Variants in CTNND2 observed in about 807,000 individuals in gnomAD.
CTNND2 encodes the protein catenin delta-2.
Under a neutral mutation model 144.4 loss-of-function variants are expected in CTNND2, and 22 were observed. That is an observed-to-expected ratio of 0.15 (90% CI 0.11 to 0.22). The LOEUF (loss-of-function observed/expected upper bound fraction) is 0.22. CTNND2 is among the 10% of genes least tolerant of loss of function. CTNND2 has a pLI of 1.00. For missense variants in CTNND2, 1,353 were observed against 1,618.8 expected, an observed-to-expected ratio of 0.84 and a Z score of 2.82; for synonymous variants, 751 against 695.6, an observed-to-expected ratio of 1.08 and a Z score of -1.25.
rs369641708 is a variant in CTNND2, at chr5:11,159,587, G to A, written c.2148C>T (p.Thr716=). The A allele has an allele frequency of 5.0e-6, 8 of 1,609,778 alleles. No individual in the cohort carries two copies. Among genetic ancestry groups the A allele is most frequent in the African/African-American group, 1.3e-5 (1 of 74,816 alleles). Residue 716 remains threonine, a synonymous_variant, in exon 12 of 22, where the codon ACC becomes ACT. Transcript: ENST00000304623. ...GACACAGGACTGACCTTAGGCACCC[G>A]GTGGCGTTACGCAGCACCTGTGATG... The part of the protein sequence containing the change: ...LHSSQVLRNA[T]GCLRNVSSAG...
At chr5:11,751,373 A>T (rs928135343) in intron 1 of CTNND2, among the ~76,000 whole-genome samples, 5 of 151,520 alleles carry the variant, frequency 3.3e-5, no homozygotes, top group African/African-American at 1.2e-4. Flanking sequence ...TTGTTTGATC[A>T]TCTCCCTTCT....
intron 3 of CTNND2, among the ~76,000 whole-genome samples, chr5:11,494,107 CAA>C: frequency 6.6e-6 from 1 of 152,164 alleles, no homozygotes; most frequent in Non-Finnish European, 1.5e-5. Flanking sequence ...CCCTCAGGAA[CAA>C]AAGATCTATT....
chr5:11,242,828 C>G (rs1742592560), intron 9 of CTNND2, among the ~76,000 whole-genome samples: 1 of 152,176 alleles, frequency 6.6e-6, no homozygotes, highest in South Asian at 2.1e-4. Context: ...CCTTTTATCC[C>G]ATAAATACAG....
At chr5:11,774,130 A>C (rs1790108004) in intron 1 of CTNND2, among the ~76,000 whole-genome samples, 1 of 152,120 alleles carries the variant, frequency 6.6e-6, no homozygotes, top group Admixed American at 6.5e-5. Context: ...AGTTTGCCAC[A>C]TTTATTATTA....
At chr5:11,381,965 T>TCAAAAAAA (rs1581067482) in intron 7 of CTNND2, among the ~76,000 whole-genome samples, 1 of 149,534 alleles carries the variant, frequency 6.7e-6, no homozygotes, top group Non-Finnish European at 1.5e-5. Flanking sequence ...AGACTCTGTC[T>TCAAAAAAA]CAAAAAAACA....
At chr5:11,341,616 C>T (rs1462887982) in intron 9 of CTNND2, among the ~76,000 whole-genome samples, 1 of 152,208 alleles carries the variant, frequency 6.6e-6, no homozygotes, top group Non-Finnish European at 1.5e-5. Context: ...TTACTGCAAA[C>T]ATTTCAGCCA....
At chr5:11,484,101 T>C (rs28003) in intron 3 of CTNND2, among the ~76,000 whole-genome samples, 9,081 of 152,230 alleles carry the variant, frequency 0.06, 866 homozygotes, top group African/African-American at 0.2. Context: ...GCCCAACTAA[T>C]GGCCACTCCA....
chr5:11,162,545 A>C (rs957634148), intron 11 of CTNND2, among the ~76,000 whole-genome samples: 2 of 152,180 alleles, frequency 1.3e-5, no homozygotes, highest in African/African-American at 4.8e-5. Context: ...TGATCACAGT[A>C]CTTGATCCAT....
chr5:11,835,394 C>T lies in CTNND2; in HGVS notation c.37+68423G>A, dbSNP rs74488608. Among the ~76,000 whole-genome samples, 86 of 152,224 alleles carry T rather than the reference C, an allele frequency of 5.6e-4. 2 individuals are homozygous for T. The East Asian group carries it at 0.016, about 29-fold the overall frequency. On this transcript the variant is annotated intron_variant, in intron 1 of 21. Transcript: ENST00000304623. Reference sequence around the variant, plus strand: ...CTATTCAGGATTGTTGTTATTTCATCTTTAAATATTTTGTAGAATTCACTT... The same window carrying T: ...CTATTCAGGATTGTTGTTATTTCATTTTTAAATATTTTGTAGAATTCACTT...
At chr5:10,987,709 C>T (rs899914390) in intron 20 of CTNND2, among the ~76,000 whole-genome samples, 7 of 132,826 alleles carry the variant, frequency 5.3e-5, no homozygotes, top group Non-Finnish European at 1.1e-4. Flanking sequence ...CACCTCCCCT[C>T]CCCTCCCCTC....
chr5:11,101,885 A>ATGTGTGTGTG (rs1491537465), intron 14 of CTNND2, among the ~76,000 whole-genome samples: 14 of 89,580 alleles, frequency 1.6e-4, no homozygotes, highest in African/African-American at 5.1e-4. Flanking sequence ...TGACGACCAC[A>ATGTGTGTGTG]TATGTGTGTG....
chr5:10,983,556 G>A (rs1231049152), intron 20 of CTNND2, among the ~76,000 whole-genome samples: 3 of 152,148 alleles, frequency 2.0e-5, no homozygotes, highest in Admixed American at 6.5e-5. Flanking sequence ...AGTGAGAGCC[G>A]AAAGTCCATT....
intron 2 of CTNND2, among the ~76,000 whole-genome samples, chr5:11,588,265 C>T (rs1350518981): frequency 1.3e-5 from 2 of 151,398 alleles, no homozygotes; most frequent in African/African-American, 4.9e-5. Context: ...CTTTACTCTC[C>T]ATGAATAATT....
At chr5:10,987,992 G>T in intron 20 of CTNND2, 119 bp downstream of exon 20, 2 of 1,319,902 alleles carry the variant, frequency 1.5e-6, no homozygotes, top group Non-Finnish European at 2.1e-6. Context: ...CTGGACAGCT[G>T]CTAAGTCCTG....
chr5:10,986,218 C>T (rs1737933169), intron 20 of CTNND2, among the ~76,000 whole-genome samples: 1 of 152,178 alleles, frequency 6.6e-6, no homozygotes, highest in African/African-American at 2.4e-5. Context: ...ATATCAGAAA[C>T]ATAGTAAATT....
At chr5:11,762,515 A>T (rs762824392) in intron 1 of CTNND2, among the ~76,000 whole-genome samples, 12 of 152,336 alleles carry the variant, frequency 7.9e-5, no homozygotes, top group Admixed American at 7.2e-4. Context: ...TCCAAAAAAG[A>T]ATTATTTTGA....
intron 2 of CTNND2, among the ~76,000 whole-genome samples, chr5:11,672,069 G>A (rs573231315): frequency 1.3e-5 from 2 of 152,300 alleles, no homozygotes; most frequent in South Asian, 4.1e-4. Flanking sequence ...ATTTGCTGGA[G>A]GTCCACTCCA....
At chr5:11,271,395 CACTT>C (rs1200091721) in intron 9 of CTNND2, among the ~76,000 whole-genome samples, 1 of 151,968 alleles carries the variant, frequency 6.6e-6, no homozygotes, top group Non-Finnish European at 1.5e-5. Flanking sequence ...ATTTGGGTAA[CACTT>C]AGCTTTAAAA....
intron 1 of CTNND2, among the ~76,000 whole-genome samples, chr5:11,775,116 A>C (rs528448348): frequency 6.6e-5 from 10 of 152,286 alleles, no homozygotes; most frequent in Non-Finnish European, 1.5e-4. Flanking sequence ...AAAGGCTGAG[A>C]AAAGTGCGGT....
Sources: allele counts gnomAD v4.1 joint callset (sites outside exome capture counted in the v4.1 genomes callset), GRCh38; gene constraint gnomAD v4.1.1; transcripts MANE v1.5; gene names NCBI Gene and HGNC (gene_info 2026-07-23, HGNC 2026-07-21).